The following C12orf42 variants were observed in gnomAD, a reference collection of about 807,000 sequenced individuals.
The protein encoded by C12orf42 is chromosome 12 open reading frame 42.
C12orf42 carries 25 observed loss-of-function variants against 21.6 expected under a neutral mutation model. The ratio of observed to expected loss-of-function variants is 1.16; its 90% confidence interval spans 0.84 to 1.62. C12orf42 has a LOEUF of 1.62. Among genes scored for constraint, C12orf42 ranks in the 40% most tolerant of loss-of-function variants. C12orf42 has a pLI of 0.00. For synonymous variants in C12orf42, 174 were observed against 175.0 expected (o/e 0.99, Z 0.05); for missense variants, 483 against 459.3 (o/e 1.05, Z -0.47).
At chr12:103,436,847 GA>G (rs1404456745) in intron 2 of C12orf42, among the ~76,000 whole-genome samples, 1 of 149,964 alleles carries the variant, frequency 6.7e-6, no homozygotes, top group East Asian at 2.0e-4. Flanking sequence ...ACAGATCAAT[GA>G]GACAGAAAGT....
At chr12:103,303,206 GT>G (rs1311627691) in intron 5 of C12orf42, among the ~76,000 whole-genome samples, 5 of 151,992 alleles carry the variant, frequency 3.3e-5, no homozygotes, top group African/African-American at 7.2e-5. Context: ...CAAAAGATGT[GT>G]TTTTTTACAA....
the C12orf42 span, among the ~76,000 whole-genome samples, chr12:103,091,488 G>C: frequency 6.6e-6 from 1 of 152,006 alleles, no homozygotes; most frequent in South Asian, 2.1e-4. Context: ...AAAAATGATA[G>C]AGAAGCTATT....
chr12:103,205,995 G>A, the C12orf42 span, among the ~76,000 whole-genome samples: 2 of 152,124 alleles, frequency 1.3e-5, no homozygotes, highest in African/African-American at 4.8e-5. Flanking sequence ...CTTCTCAGCC[G>A]CTGAGAATAT....
chr12:103,442,823 T>TA (rs1374547367), intron 2 of C12orf42, among the ~76,000 whole-genome samples: 3 of 151,836 alleles, frequency 2.0e-5, no homozygotes, highest in Non-Finnish European at 2.9e-5. Flanking sequence ...TATTAAAGAG[T>TA]AAAAAAAATT....
At chr12:103,397,986 G>C (rs1474312696) in intron 3 of C12orf42, among the ~76,000 whole-genome samples, 1 of 152,102 alleles carries the variant, frequency 6.6e-6, no homozygotes, top group East Asian at 1.9e-4. Context: ...ACACTGACTT[G>C]ATCATTATAC....
intron 3 of C12orf42, among the ~76,000 whole-genome samples, chr12:103,391,840 C>A (rs919388490): frequency 6.6e-6 from 1 of 151,862 alleles, no homozygotes; most frequent in Admixed American, 6.6e-5. Flanking sequence ...TGATGAGGTC[C>A]AATTTATCTA....
chr12:103,375,640 T>C (rs1395232276), intron 3 of C12orf42, among the ~76,000 whole-genome samples: 2 of 152,194 alleles, frequency 1.3e-5, no homozygotes, highest in Non-Finnish European at 1.5e-5. Flanking sequence ...AGCTTGTAGG[T>C]TCAGATTGTC....
intron 5 of C12orf42, among the ~76,000 whole-genome samples, chr12:103,305,329 C>T (rs1024852095): frequency 1.8e-4 from 28 of 152,140 alleles, no homozygotes; most frequent in Admixed American, 1.4e-3. Flanking sequence ...GTACCACCAC[C>T]GTCATCACCA....
At chr12:103,539,144 G>T in the C12orf42 span, among the ~76,000 whole-genome samples, 12 of 152,146 alleles carry the variant, frequency 7.9e-5, no homozygotes. Flanking sequence ...AAATGTATTA[G>T]TTCATTTAAT....
chr12:103,354,400 C>A (rs1047103964), intron 4 of C12orf42, among the ~76,000 whole-genome samples: 7 of 152,080 alleles, frequency 4.6e-5, no homozygotes, highest in Admixed American at 3.3e-4. Flanking sequence ...AAGTCATGGT[C>A]CCTATGCTAC....
At chr12:103,335,356 A>G (rs1775647722) in intron 4 of C12orf42, among the ~76,000 whole-genome samples, 1 of 152,262 alleles carries the variant, frequency 6.6e-6, no homozygotes, top group Non-Finnish European at 1.5e-5. Flanking sequence ...TGCTTTTAGC[A>G]TAAAGATTTA....
chr12:103,427,502 A>G (rs1949933759), intron 2 of C12orf42, among the ~76,000 whole-genome samples: 1 of 152,140 alleles, frequency 6.6e-6, no homozygotes, highest in Non-Finnish European at 1.5e-5. Context: ...ACCTACAAGG[A>G]GATTTGACTC....
At chr12:103,546,138 C>T in the C12orf42 span, among the ~76,000 whole-genome samples, 1 of 152,232 alleles carries the variant, frequency 6.6e-6, no homozygotes, top group East Asian at 1.9e-4. Context: ...GGGGATGACG[C>T]CAATCACTGA....
chr12:103,265,799 C>CTGTTTTGTTTTGTTTTGTTTTGTTT (rs3063704), downstream of C12orf42, among the ~76,000 whole-genome samples: 6 of 150,172 alleles, frequency 4.0e-5, no homozygotes, highest in African/African-American at 7.4e-5. Flanking sequence ...ATTTCTTAGG[C>CTGTTTTGTTTTGTTTTGTTTTGTTT]TGTTTTGTTT....
intron 4 of C12orf42, among the ~76,000 whole-genome samples, chr12:103,315,206 C>T (rs1425701783): frequency 2.0e-5 from 3 of 151,966 alleles, no homozygotes; most frequent in Non-Finnish European, 4.4e-5. Context: ...CCAAAAGGCA[C>T]AAAAAGATAC....
chr12:103,273,983 A>G, intron 5 of C12orf42: 1 of 454,488 alleles, frequency 2.2e-6, no homozygotes, highest in Non-Finnish European at 4.4e-6. Context: ...AAATCCCCCC[A>G]AGAGCACTCC....
chr12:103,360,190 TAA>T (rs200117821), intron 4 of C12orf42, among the ~76,000 whole-genome samples: 9 of 142,198 alleles, frequency 6.3e-5, no homozygotes, highest in Middle Eastern at 3.3e-3. Flanking sequence ...GGGCAAAACT[TAA>T]AAAAAAAAAA....
the C12orf42 span, among the ~76,000 whole-genome samples, chr12:103,158,877 A>G: frequency 6.0e-5 from 9 of 149,320 alleles, no homozygotes; most frequent in Admixed American, 6.0e-4. Flanking sequence ...AAGACTCAAA[A>G]AAAAAAAAAA....
chr12:103,061,558 A>G, the C12orf42 span, among the ~76,000 whole-genome samples: 1 of 151,054 alleles, frequency 6.6e-6, no homozygotes, highest in African/African-American at 2.4e-5. Flanking sequence ...TAAACTATTT[A>G]CTTGGTATGT....
Sources: allele counts gnomAD v4.1 joint callset (sites outside exome capture counted in the v4.1 genomes callset), GRCh38; gene constraint gnomAD v4.1.1; transcripts MANE v1.5; gene names NCBI Gene and HGNC (gene_info 2026-07-23, HGNC 2026-07-21).